The following PCSK2 variants were observed in gnomAD, a reference collection of about 807,000 sequenced individuals.
The protein encoded by PCSK2 is proprotein convertase subtilisin/kexin type 2.
PCSK2 carries 14 observed loss-of-function variants against 69.7 expected under a neutral mutation model. That is an observed-to-expected ratio of 0.20 (90% CI 0.13 to 0.31). The LOEUF (loss-of-function observed/expected upper bound fraction) is 0.31, where lower values mean the gene tolerates loss of function less well. Ranked by LOEUF, PCSK2 falls within the 10% of genes least tolerant of loss-of-function variation. PCSK2 has a pLI of 1.00. For synonymous variants in PCSK2, 307 were observed against 320.7 expected (o/e 0.96, Z 0.46); for missense variants, 544 against 842.5 (o/e 0.65, Z 4.39).
chr20:17,469,926 A>G (rs1049583767), intron 11 of PCSK2, among the ~76,000 whole-genome samples: 1 of 151,968 alleles, frequency 6.6e-6, no homozygotes, highest in Non-Finnish European at 1.5e-5. Flanking sequence ...GGATTCTGAA[A>G]CACCCACCTA....
At chr20:17,432,095 A>G (rs2032380190) in intron 7 of PCSK2, among the ~76,000 whole-genome samples, 1 of 152,242 alleles carries the variant, frequency 6.6e-6, no homozygotes, top group South Asian at 2.1e-4. Flanking sequence ...ATCTTAACCC[A>G]GGGATTCAAA....
chr20:17,263,848 A>G (rs1247503618), intron 2 of PCSK2, among the ~76,000 whole-genome samples: 2 of 152,226 alleles, frequency 1.3e-5, no homozygotes, highest in African/African-American at 4.8e-5. Context: ...TGATAATGAA[A>G]ATAATTTGAA....
chr20:17,425,136 G>T (rs1286078038), intron 6 of PCSK2, among the ~76,000 whole-genome samples: 1 of 152,180 alleles, frequency 6.6e-6, no homozygotes, highest in Non-Finnish European at 1.5e-5. Context: ...GGCTTTGATA[G>T]ACTTGGATGG....
chr20:17,427,306 C>CT (rs1186636111), intron 6 of PCSK2, among the ~76,000 whole-genome samples: 1 of 152,160 alleles, frequency 6.6e-6, no homozygotes, highest in East Asian at 1.9e-4. Context: ...GCTGGAAAAA[C>CT]TAAGTGAGAT....
Position 17,260,350 on chromosome 20 carries a change from T to C in PCSK2, c.282+6T>C. On this transcript the variant is annotated splice_donor_region_variant and intron_variant, in intron 2 of 11. Transcript: ENST00000262545. Reference sequence around the variant, plus strand: ...AGCTGGAGAGAGACCCCAGGGTGAGTTTTCCCCAGAAACCTGCCTCCCAAT... The same window carrying C: ...AGCTGGAGAGAGACCCCAGGGTGAGCTTTCCCCAGAAACCTGCCTCCCAAT... The C allele has an allele frequency of 6.3e-7, 1 of 1,593,842 alleles. No individual in the cohort carries two copies. Among genetic ancestry groups the C allele is most frequent in the South Asian group, 1.1e-5 (1 of 90,672 alleles).
chr20:17,349,741 A>G (rs138969314), intron 2 of PCSK2, among the ~76,000 whole-genome samples: 273 of 152,304 alleles, frequency 1.8e-3, no homozygotes, highest in Admixed American at 6.7e-3. Flanking sequence ...TAAAAGATTC[A>G]TGCTCTTTGG....
At position 17,227,564 on chromosome 20, in the gene PCSK2, G is replaced by A. The variant is rs1273041162; in HGVS notation, c.177+82G>A. On this transcript the variant is annotated intron_variant, in intron 1 of 11. Coordinates refer to ENST00000262545, the MANE Select transcript of PCSK2 (RefSeq NM_002594.5). ...CCCTGCGCAATCTCATTGCAGATTT[G>A]CAAGTTTTCTCTCTTTCTCATGCGA... 2.8e-6 allele frequency: 3 copies of A among 1,081,780 alleles called. No homozygotes were observed. In the African/African-American group the frequency reaches 4.7e-5, roughly 17 times the overall value. 67.0% of individuals were successfully genotyped at this position (1,081,780 alleles called of 1,614,324 possible).
intron 4 of PCSK2, among the ~76,000 whole-genome samples, chr20:17,363,558 T>C (rs1162426022): frequency 6.6e-6 from 1 of 152,150 alleles, no homozygotes; most frequent in Non-Finnish European, 1.5e-5. Flanking sequence ...CATGACAAGA[T>C]ACAGGGATGG....
chr20:17,318,106 T>C (rs543298222), intron 2 of PCSK2, among the ~76,000 whole-genome samples: 3 of 152,368 alleles, frequency 2.0e-5, no homozygotes, highest in East Asian at 1.9e-4. Flanking sequence ...TGTTCTAAGA[T>C]CTGCCATGCA....
intron 7 of PCSK2, 25 bp from the exon 8 acceptor site, chr20:17,436,683 T>C: frequency 6.3e-7 from 1 of 1,591,022 alleles, no homozygotes; most frequent in Non-Finnish European, 8.6e-7. Flanking sequence ...CCAAACATGG[T>C]GTCCTCTGCT....
intron 4 of PCSK2, among the ~76,000 whole-genome samples, chr20:17,366,332 A>G (rs1189183215): frequency 6.6e-6 from 1 of 152,228 alleles, no homozygotes; most frequent in African/African-American, 2.4e-5. Context: ...TTTATGAACC[A>G]AATTATAACC....
chr20:17,373,011 C>G (rs2030818315), intron 5 of PCSK2, among the ~76,000 whole-genome samples: 1 of 152,190 alleles, frequency 6.6e-6, no homozygotes, highest in Admixed American at 6.5e-5. Context: ...AATTAGCAGG[C>G]AGCTTCACAC....
intron 5 of PCSK2, among the ~76,000 whole-genome samples, chr20:17,407,664 G>A (rs1028985675): frequency 7.2e-5 from 11 of 152,270 alleles, no homozygotes; most frequent in African/African-American, 1.2e-4. Flanking sequence ...CACGGATTGC[G>A]GGCCAGATAC....
At chr20:17,348,069 AAGAAAGAAAGAAAG>A (rs1990742381) in intron 2 of PCSK2, among the ~76,000 whole-genome samples, 3 of 149,606 alleles carry the variant, frequency 2.0e-5, no homozygotes, top group Admixed American at 6.7e-5. Context: ...GAAAGAAAGA[AAGAAAGAAAGAAAG>A]AAAGAAAGAA....
chr20:17,227,244 C>G lies in PCSK2; in HGVS notation c.-62C>G. The G allele has an allele frequency of 8.3e-7, 1 of 1,210,144 alleles. No homozygotes were observed. 75.0% of individuals were successfully genotyped at this position (1,210,144 alleles called of 1,614,324 possible). On this transcript the variant is annotated 5_prime_UTR_variant, in exon 1 of 12. Coordinates refer to ENST00000262545, the MANE Select transcript of PCSK2 (RefSeq NM_002594.5). Reference sequence around the variant, plus strand: ...AGAATTCTTTATTTGCACCCTCCCTCCGAGTCCCCTGCTCCGCCAGCCTGC... The same window carrying G: ...AGAATTCTTTATTTGCACCCTCCCTGCGAGTCCCCTGCTCCGCCAGCCTGC...
intron 7 of PCSK2, among the ~76,000 whole-genome samples, chr20:17,431,911 T>A (rs1295195542): frequency 3.3e-5 from 5 of 152,214 alleles, no homozygotes; most frequent in Non-Finnish European, 5.9e-5. Context: ...GGGAGCTTTC[T>A]GGGCTAAGGA....
intron 2 of PCSK2, among the ~76,000 whole-genome samples, chr20:17,284,133 T>C (rs1232710492): frequency 6.6e-6 from 1 of 152,216 alleles, no homozygotes; most frequent in Non-Finnish European, 1.5e-5. Flanking sequence ...TGTCATCTTC[T>C]GAGTACTGTG....
chr20:17,484,206 T>G lies in PCSK2; in HGVS notation c.*2136T>G, dbSNP rs1455508888. 6.6e-6 allele frequency: 1 copy of G among 152,370 alleles called. No individual in the cohort carries two copies. The highest frequency in any genetic ancestry group is 1.5e-5 in the Non-Finnish European group (1 of 68,022). 9.4% of individuals were successfully genotyped at this position (152,370 alleles called of 1,614,324 possible). On this transcript the variant is annotated 3_prime_UTR_variant, in exon 12 of 12. Transcript: ENST00000262545. Reference sequence around the variant, plus strand: ...AGCAAAAATATAAAATAGTTGTCCATATTTTCACAGGTGTGGTGTAATTTA... The same window carrying G: ...AGCAAAAATATAAAATAGTTGTCCAGATTTTCACAGGTGTGGTGTAATTTA...
chr20:17,286,170 A>T (rs955587522), intron 2 of PCSK2, among the ~76,000 whole-genome samples: 2 of 152,222 alleles, frequency 1.3e-5, no homozygotes, highest in African/African-American at 4.8e-5. Context: ...AGGTTTGGAT[A>T]ATGAAGTAAC....
Sources: allele counts gnomAD v4.1 joint callset (sites outside exome capture counted in the v4.1 genomes callset), GRCh38; gene constraint gnomAD v4.1.1; transcripts MANE v1.5; gene names NCBI Gene and HGNC (gene_info 2026-07-23, HGNC 2026-07-21).